The following ATXN7L1 variants were observed in gnomAD, a reference collection of about 807,000 sequenced individuals.
ATXN7L1 encodes the protein ataxin-7-like protein 1.
A neutral mutation model predicts 70.8 loss-of-function variants in ATXN7L1; 15 were observed. That is an observed-to-expected ratio of 0.21 (90% CI 0.14 to 0.33). The LOEUF (loss-of-function observed/expected upper bound fraction) is 0.33, where lower values mean the gene tolerates loss of function less well. ATXN7L1 is among the 10% of genes least tolerant of loss of function. The pLI is 1.00. For missense variants in ATXN7L1, 975 were observed against 1,097.1 expected (o/e 0.89, Z 1.57); for synonymous variants, 440 against 445.1 (o/e 0.99, Z 0.14).
intron 3 of ATXN7L1, among the ~76,000 whole-genome samples, chr7:105,751,224 AGGGAGGT>A (rs1799174698): frequency 1.3e-5 from 2 of 152,060 alleles, no homozygotes; most frequent in South Asian, 4.2e-4. Context: ...GGAAGGTGGG[AGGGAGGT>A]GGGAGTGTTA....
At chr7:105,661,344 A>G (rs569412413) in intron 4 of ATXN7L1, among the ~76,000 whole-genome samples, 1 of 152,136 alleles carries the variant, frequency 6.6e-6, no homozygotes, top group Non-Finnish European at 1.5e-5. Flanking sequence ...CTGGCCTAAT[A>G]GGGTGGTATT....
At chr7:105,674,278 G>A (rs1804260043) in intron 3 of ATXN7L1, among the ~76,000 whole-genome samples, 1 of 152,152 alleles carries the variant, frequency 6.6e-6, no homozygotes, top group Admixed American at 6.5e-5. Context: ...TAGGCTCTGG[G>A]ATGGTTTCTT....
At chr7:105,727,763 T>TAC (rs1796036393) in intron 3 of ATXN7L1, among the ~76,000 whole-genome samples, 2 of 93,394 alleles carry the variant, frequency 2.1e-5, no homozygotes, top group Admixed American at 1.3e-4. Flanking sequence ...TATATATATA[T>TAC]ATATATATAT....
intron 3 of ATXN7L1, among the ~76,000 whole-genome samples, chr7:105,735,231 C>G (rs1261661314): frequency 2.0e-5 from 3 of 152,112 alleles, no homozygotes; most frequent in Admixed American, 6.6e-5. Flanking sequence ...ACCTTTTATA[C>G]AGTACTAGCT....
At chr7:105,648,565 C>T (rs575396474) in intron 4 of ATXN7L1, among the ~76,000 whole-genome samples, 1 of 152,216 alleles carries the variant, frequency 6.6e-6, no homozygotes. Context: ...TGAGCAAAAA[C>T]ATTCAGCTGA....
chr7:105,635,266 C>T (rs775214963), intron 7 of ATXN7L1, among the ~76,000 whole-genome samples: 7 of 152,190 alleles, frequency 4.6e-5, no homozygotes, highest in African/African-American at 7.2e-5. Flanking sequence ...CCACAACCCT[C>T]GGGCTTTTTG....
At chr7:105,844,516 A>G (rs1269826282) in intron 2 of ATXN7L1, among the ~76,000 whole-genome samples, 2 of 152,248 alleles carry the variant, frequency 1.3e-5, no homozygotes, top group Non-Finnish European at 2.9e-5. Flanking sequence ...AATGCATTTG[A>G]CAAATCCAAT....
At chr7:105,790,973 G>A (rs532031217) in intron 2 of ATXN7L1, among the ~76,000 whole-genome samples, 6 of 152,324 alleles carry the variant, frequency 3.9e-5, no homozygotes, top group African/African-American at 7.2e-5. Flanking sequence ...CCCTGACCAC[G>A]ATCCTAGGCC....
chr7:105,663,104 C>T (rs1246425589), intron 4 of ATXN7L1, among the ~76,000 whole-genome samples: 1 of 152,176 alleles, frequency 6.6e-6, no homozygotes, highest in Admixed American at 6.6e-5. Flanking sequence ...CATGCAGCCC[C>T]AGTAAATAAA....
chr7:105,806,131 A>G (rs1807560083), intron 2 of ATXN7L1, among the ~76,000 whole-genome samples: 1 of 152,060 alleles, frequency 6.6e-6, no homozygotes, highest in African/African-American at 2.4e-5. Context: ...AGAGGGGAAG[A>G]CAGATGGGAA....
chr7:105,619,528 ATATTTTTTTTTTTTTTTTTTTTTTTTTTT>A (rs1794600480), intron 9 of ATXN7L1, among the ~76,000 whole-genome samples: 1 of 14,784 alleles, frequency 6.8e-5, no homozygotes, highest in Non-Finnish European at 1.1e-4. Flanking sequence ...ATATATATAT[ATATTTTTTTTTTTTTTTTTTTTTTTTTTT>A]TTTTTTTTTT....
chr7:105,756,002 G>T (rs117591889), intron 3 of ATXN7L1, among the ~76,000 whole-genome samples: 2,676 of 152,270 alleles, frequency 0.018, 29 homozygotes, highest in Non-Finnish European at 0.026. Context: ...CACAGTCTTT[G>T]TGTCCTTGTG....
chr7:105,860,079 C>T (rs556466876), intron 2 of ATXN7L1, among the ~76,000 whole-genome samples: 1 of 139,168 alleles, frequency 7.2e-6, no homozygotes, highest in African/African-American at 2.7e-5. Flanking sequence ...CGATGCCTGG[C>T]CTGTATATTT....
chr7:105,655,811 C>G (rs1003349549), intron 4 of ATXN7L1, among the ~76,000 whole-genome samples: 1 of 152,206 alleles, frequency 6.6e-6, no homozygotes, highest in Non-Finnish European at 1.5e-5. Context: ...GAAGACCCGC[C>G]TGGTAATTCC....
intron 2 of ATXN7L1, among the ~76,000 whole-genome samples, chr7:105,855,154 C>T (rs141011466): frequency 1.3e-5 from 2 of 152,266 alleles, no homozygotes; most frequent in South Asian, 2.1e-4. Context: ...GGGGTTTCAC[C>T]CTGTTGGCCA....
At chr7:105,721,536 A>G (rs564727922) in intron 3 of ATXN7L1, among the ~76,000 whole-genome samples, 91 of 152,284 alleles carry the variant, frequency 6.0e-4, no homozygotes, top group African/African-American at 2.1e-3. Context: ...GCTCACAGCC[A>G]CGCCTGAGGC....
At chr7:105,672,366 A>G (rs1314993166) in intron 3 of ATXN7L1, among the ~76,000 whole-genome samples, 1 of 152,172 alleles carries the variant, frequency 6.6e-6, no homozygotes, top group African/African-American at 2.4e-5. Flanking sequence ...TAATCAATGG[A>G]TATTTTGGAC....
At chr7:105,815,046 A>G (rs1257836533) in intron 2 of ATXN7L1, among the ~76,000 whole-genome samples, 1 of 152,190 alleles carries the variant, frequency 6.6e-6, no homozygotes, top group East Asian at 1.9e-4. Flanking sequence ...GGGGCCCACA[A>G]TGCTCTCCTA....
At chr7:105,663,686 T>C (rs1310973098) in intron 4 of ATXN7L1, among the ~76,000 whole-genome samples, 2 of 152,356 alleles carry the variant, frequency 1.3e-5, no homozygotes, top group Admixed American at 1.3e-4. Context: ...TTTGGTTTCC[T>C]AGCTGTCTTT....
Sources: gnomAD v4.1 joint callset for allele counts (sites outside exome capture counted in the v4.1 genomes callset) on GRCh38, gnomAD v4.1.1 for gene constraint, MANE v1.5 for transcripts, NCBI Gene and HGNC (gene_info 2026-07-23, HGNC 2026-07-21) for gene names.